OR1M1: variants seen among roughly 807,000 people sequenced by gnomAD.
OR1M1 encodes the protein olfactory receptor family 1 subfamily M member 1, also known as olfactory receptor 1M1.
For synonymous variants in OR1M1, 157 were observed against 165.5 expected, an observed-to-expected ratio of 0.95 and a Z score of 0.39; for missense variants, 397 against 401.8, an observed-to-expected ratio of 0.99 and a Z score of 0.10.
rs921456517 is a variant in OR1M1 at position 9,094,891 on chromosome 19, G to T, written c.*705G>T. ...ATGATCTCTGCTCACTGCAACCTCC[G>T]CCTCTGGGTTCAAGTGATCCTCCTG... On this transcript the variant is annotated 3_prime_UTR_variant, in exon 2 of 2. Coordinates refer to ENST00000641627, the MANE Select transcript of OR1M1 (RefSeq NM_001004456.2). The T allele has an allele frequency of 4.6e-5, 7 of 152,122 alleles. No homozygotes were observed. Among genetic ancestry groups the T allele is most frequent in the African/African-American group, 1.7e-4 (7 of 41,356 alleles). The allele number at this position is 152,122 out of a possible 1,614,324, so 9.4% of individuals were successfully genotyped here.
intron 1 of OR1M1, among the ~76,000 whole-genome samples, chr19:9,089,379 A>G (rs1249742676): frequency 4.7e-5 from 7 of 147,582 alleles, no homozygotes; most frequent in Non-Finnish European, 8.9e-5. Flanking sequence ...GATCTCCTTC[A>G]TTTTTATGGC....
chr19:9,090,334 C>T (rs1185787460), intron 1 of OR1M1, among the ~76,000 whole-genome samples: 1 of 151,960 alleles, frequency 6.6e-6, no homozygotes, highest in Non-Finnish European at 1.5e-5. Context: ...AATGAATGAA[C>T]GAATGCGTGA....
rs769826466 is a variant in OR1M1 at position 9,093,917 on chromosome 19, A to T, written c.673A>T (p.Ile225Phe). ...LASYARILVA[I>F]MKVPSAGGRK... ...CTCCTATGCTCGCATCCTTGTGGCC[A>T]TCATGAAGGTCCCCTCTGCAGGCGG... Residue 225 changes from isoleucine to phenylalanine, a missense_variant, in exon 2 of 2, where the codon ATC (isoleucine) becomes TTC (phenylalanine). Ile to Phe is a conservative substitution (Grantham distance 21, BLOSUM62 0). Transcript: ENST00000641627. 2 of 1,614,032 alleles carry T rather than the reference A, an allele frequency of 1.2e-6. No individual in the cohort carries two copies. The highest frequency in any genetic ancestry group is 1.7e-6 in the Non-Finnish European group (2 of 1,180,038).
rs1291103632 is a variant in OR1M1 at position 9,095,080 on chromosome 19, A to C, written c.*894A>C. 1.3e-5 allele frequency: 2 copies of C among 152,418 alleles called. No homozygotes were observed. Among genetic ancestry groups the C allele is most frequent in the Non-Finnish European group, 2.9e-5 (2 of 68,244 alleles). 9.4% of individuals were successfully genotyped at this position (152,418 alleles called of 1,614,324 possible). On this transcript the variant is annotated 3_prime_UTR_variant, in exon 2 of 2. Coordinates refer to ENST00000641627, the MANE Select transcript of OR1M1 (RefSeq NM_001004456.2). ...TGGCCTCCCAAAGTGCTGGGATTAC[A>C]GGCGTGAGCCACCAAGCCTGGCTGG...
intron 1 of OR1M1, among the ~76,000 whole-genome samples, chr19:9,089,345 T>G (rs1311863440): frequency 6.6e-6 from 1 of 152,172 alleles, no homozygotes; most frequent in African/African-American, 2.4e-5. Context: ...GCTCCAATTC[T>G]TTCCATGTTG....
chr19:9,093,764 G>T lies in OR1M1; in HGVS notation c.520G>T (p.Val174Leu). 1.9e-6 allele frequency: 3 copies of T among 1,613,912 alleles called. No homozygotes were observed. The highest frequency in any genetic ancestry group is 2.5e-6 in the Non-Finnish European group (3 of 1,180,034). ...ARLVFCGSHE[V>L]PHYFCDLTPI... ...TCTCGTTTTCTGCGGCAGCCATGAG[G>T]TGCCTCACTACTTCTGCGACCTCAC... Residue 174 changes from valine to leucine, a missense_variant, in exon 2 of 2, where the codon GTG (valine) becomes TTG (leucine). Val to Leu is a conservative substitution (Grantham distance 32). Transcript: ENST00000641627.
intron 1 of OR1M1, among the ~76,000 whole-genome samples, chr19:9,089,258 T>C (rs964443514): frequency 3.9e-5 from 6 of 152,142 alleles, no homozygotes; most frequent in Non-Finnish European, 8.8e-5. Context: ...AATCATTTTT[T>C]TTCTTTTAGC....
Position 9,093,353 on chromosome 19 carries a change from G to C in OR1M1, c.109G>C (p.Val37Leu). Residue 37 changes from valine (V) to leucine (L), a missense_variant, in exon 2 of 2, where the codon GTC (valine) becomes CTC (leucine). Val to Leu is a conservative substitution (Grantham distance 32, BLOSUM62 1). Transcript: ENST00000641627. ...LFSLFFCMYL[V>L]MVVGNLLIIL... Reference sequence around the variant, plus strand: ...TTCCCTGTTCTTCTGCATGTACCTGGTCATGGTCGTGGGGAACCTGCTCAT... The same window carrying C: ...TTCCCTGTTCTTCTGCATGTACCTGCTCATGGTCGTGGGGAACCTGCTCAT... 6.2e-7 allele frequency: 1 copy of C among 1,613,716 alleles called. No individual in the cohort carries two copies. Among genetic ancestry groups the C allele is most frequent in the Non-Finnish European group, 8.5e-7 (1 of 1,179,932 alleles).
chr19:9,094,016 G>T lies in OR1M1; in HGVS notation c.772G>T (p.Val258Phe), dbSNP rs144608760. The T allele has an allele frequency of 8.7e-6, 14 of 1,614,074 alleles. No individual in the cohort carries two copies. The East Asian group carries it at 2.7e-4, about 31-fold the overall frequency. Reference sequence around the variant, plus strand: ...TCTCTTCTATGGGACCACCATTGGCGTCTATCTGTGTCCCTCCTCGGTCCT... The same window carrying T: ...TCTCTTCTATGGGACCACCATTGGCTTCTATCTGTGTCCCTCCTCGGTCCT... Reference protein sequence around the residue: ...VALFYGTTIGVYLCPSSVLTT... With the variant: ...VALFYGTTIGFYLCPSSVLTT... The change falls in exon 2 of 2, where the codon GTC becomes TTC. Residue 258 changes from valine to phenylalanine, a missense_variant. Coordinates refer to ENST00000641627, the MANE Select transcript of OR1M1 (RefSeq NM_001004456.2).
chr19:9,091,849 T>G (rs943975257), intron 1 of OR1M1, among the ~76,000 whole-genome samples: 1 of 152,078 alleles, frequency 6.6e-6, no homozygotes, highest in African/African-American at 2.4e-5. Flanking sequence ...TTTTTTTATA[T>G]GTTGAGTTTG....
At chr19:9,088,282 C>T (rs1038893596) in intron 1 of OR1M1, among the ~76,000 whole-genome samples, 6 of 152,148 alleles carry the variant, frequency 3.9e-5, no homozygotes, top group African/African-American at 1.4e-4. Context: ...TGTTATTCCC[C>T]ATGTTGGGTC....
In OR1M1 at chr19:9,095,445, G is replaced by C. The variant is rs752655807; in HGVS notation, c.*1259G>C. ...TCTGTTGCCCAGGCTGGAGTGCAGC[G>C]GCATGATTATAGCTCACTGCAGTCT... On this transcript the variant is annotated 3_prime_UTR_variant, in exon 2 of 2. Coordinates refer to ENST00000641627, the MANE Select transcript of OR1M1 (RefSeq NM_001004456.2). The C allele has an allele frequency of 6.6e-6, 1 of 152,072 alleles. No homozygotes were observed. Among genetic ancestry groups the C allele is most frequent in the Non-Finnish European group, 1.5e-5 (1 of 68,086 alleles). 9.4% of individuals were successfully genotyped at this position (152,072 alleles called of 1,614,324 possible).
Position 9,095,567 on chromosome 19 carries a change from G to C in OR1M1, c.*1381G>C, listed in dbSNP as rs2050322296. 6.6e-6 allele frequency: 1 copy of C among 151,664 alleles called. No homozygotes were observed. 9.4% of individuals were successfully genotyped at this position (151,664 alleles called of 1,614,324 possible). A position where few individuals can be genotyped will look rare whatever the true frequency, so the allele number is the denominator to read the frequency against. ...ATGCCCGGCTAATTTATTTTTATTT[G>C]TATATATTTTTTTGGTAGAGATGGG... On this transcript the variant is annotated 3_prime_UTR_variant, in exon 2 of 2. Transcript: ENST00000641627.
rs1333691871 is a variant in OR1M1 at position 9,093,490 on chromosome 19, G to A, written c.246G>A (p.Leu82=). ...CLATNTIPKM[L]VSLQTGSKAI... ...CCACCAACACCATCCCTAAGATGCTGGTGAGCCTTCAAACCGGGAGCAAGG... is the reference window on the plus strand; with the variant it reads ...CCACCAACACCATCCCTAAGATGCTAGTGAGCCTTCAAACCGGGAGCAAGG... The change falls in exon 2 of 2, where the codon CTG becomes CTA. Residue 82 remains leucine, a synonymous_variant. Transcript: ENST00000641627. 5 of 1,614,106 alleles carry A rather than the reference G, an allele frequency of 3.1e-6. No homozygotes were observed. The highest frequency in any genetic ancestry group is 4.2e-6 in the Non-Finnish European group (5 of 1,180,006).
At chr19:9,090,478 G>A (rs1309918826) in intron 1 of OR1M1, among the ~76,000 whole-genome samples, 1 of 151,836 alleles carries the variant, frequency 6.6e-6, no homozygotes, top group Non-Finnish European at 1.5e-5. Flanking sequence ...TCTTTTTTTT[G>A]AGATGGAGTT....
chr19:9,092,072 CTT>C (rs35789114), intron 1 of OR1M1, among the ~76,000 whole-genome samples: 4,348 of 39,222 alleles, frequency 0.11, 56 homozygotes, highest in African/African-American at 0.12. Flanking sequence ...TCATGCCTGG[CTT>C]TTTTTTTTTT....
At chr19:9,093,102 A>ACG in intron 1 of OR1M1, 130 bp from the exon 2 acceptor site, 1 of 578,258 alleles carries the variant, frequency 1.7e-6, no homozygotes, top group Non-Finnish European at 3.1e-6. Context: ...ACACACACAC[A>ACG]CACACACATA....
At chr19:9,091,959 G>T (rs2050295364) in intron 1 of OR1M1, among the ~76,000 whole-genome samples, 1 of 151,858 alleles carries the variant, frequency 6.6e-6, no homozygotes, top group African/African-American at 2.4e-5. Context: ...CACCAGGCTG[G>T]AGTACCGTGG....
chr19:9,088,285 G>C (rs1252264737), intron 1 of OR1M1, among the ~76,000 whole-genome samples: 1 of 152,182 alleles, frequency 6.6e-6, no homozygotes, highest in Non-Finnish European at 1.5e-5. Flanking sequence ...TATTCCCCAT[G>C]TTGGGTCTTG....
Sources: gnomAD v4.1 joint callset for allele counts (sites outside exome capture counted in the v4.1 genomes callset) on GRCh38, gnomAD v4.1.1 for gene constraint, MANE v1.5 for transcripts, NCBI Gene and HGNC (gene_info 2026-07-23, HGNC 2026-07-21) for gene names.